The following ARID4B variants were observed in gnomAD, a reference collection of about 807,000 sequenced individuals.
The protein encoded by ARID4B is AT-rich interaction domain 4B.
A neutral mutation model predicts 147.5 loss-of-function variants in ARID4B; 26 were observed. The observed-to-expected ratio is 0.18, with a 90% CI of 0.13 to 0.24. The LOEUF is 0.24. ARID4B is among the 10% of genes least tolerant of loss of function. The pLI is 1.00. For missense variants in ARID4B, 1,179 were observed against 1,511.5 expected (o/e 0.78, Z 3.65); for synonymous variants, 512 against 507.9 (o/e 1.01, Z -0.11).
At chr1:235,198,406 G>A (rs1665647797) in intron 17 of ARID4B, among the ~76,000 whole-genome samples, 1 of 152,170 alleles carries the variant, frequency 6.6e-6, no homozygotes, top group African/African-American at 2.4e-5. Flanking sequence ...AGGAAAAACA[G>A]TTACTGCCTC....
chr1:235,246,561 C>A (rs555842217), intron 6 of ARID4B, 50 bp from the exon 7 acceptor site: 18 of 1,324,100 alleles, frequency 1.4e-5, no homozygotes, highest in Middle Eastern at 3.6e-4. Flanking sequence ...TTGCAAGTGC[C>A]TTCTTTGTTT....
Position 235,223,152 on chromosome 1 carries a change from A to T in ARID4B, c.1065+14T>A. Reference sequence around the variant, plus strand: ...TACATGAAAAAGATGTTTCAGTTTGACTACAACACTCACATTATCAAATCC... The same window carrying T: ...TACATGAAAAAGATGTTTCAGTTTGTCTACAACACTCACATTATCAAATCC... On this transcript the variant is annotated intron_variant, in intron 13 of 23. Transcript: ENST00000264183. The T allele has an allele frequency of 6.7e-7, 1 of 1,500,642 alleles. No individual in the cohort carries two copies. The highest frequency in any genetic ancestry group is 9.2e-7 in the Non-Finnish European group (1 of 1,091,586). The allele number at this position is 1,500,642 out of a possible 1,614,324, so 93.0% of individuals were successfully genotyped here.
rs1674712466 is a variant in ARID4B at position 235,320,046 on chromosome 1, G to C, written c.6+6868C>G. On this transcript the variant is annotated intron_variant, in intron 2 of 23. Coordinates refer to ENST00000264183, the MANE Select transcript of ARID4B (RefSeq NM_016374.6). Reference sequence around the variant, plus strand: ...GGAGGCTGAGGCAGGAGAATCGCTTGAACCTGGGAGGCAGAGGTTGCAGTG... The same window carrying C: ...GGAGGCTGAGGCAGGAGAATCGCTTCAACCTGGGAGGCAGAGGTTGCAGTG... Among the ~76,000 whole-genome samples, 3 of 151,854 alleles carry C rather than the reference G, an allele frequency of 2.0e-5. No homozygotes were observed. In the South Asian group the frequency reaches 6.2e-4, roughly 32 times the overall value.
intron 19 of ARID4B, among the ~76,000 whole-genome samples, chr1:235,192,711 C>T (rs1665198841): frequency 6.6e-6 from 1 of 152,026 alleles, no homozygotes; most frequent in Non-Finnish European, 1.5e-5. Context: ...TGTCCCCTTC[C>T]CTGCCAGTCA....
intron 23 of ARID4B, 62 bp downstream of exon 23, chr1:235,172,556 G>A (rs1343908068): frequency 8.9e-6 from 11 of 1,238,644 alleles, no homozygotes; most frequent in African/African-American, 4.7e-5. Flanking sequence ...CCAGCCTGGC[G>A]ACAAGAGTGA....
intron 2 of ARID4B, among the ~76,000 whole-genome samples, chr1:235,298,527 A>C (rs1179175210): frequency 6.7e-6 from 1 of 148,440 alleles, no homozygotes; most frequent in South Asian, 2.1e-4. Flanking sequence ...ACGTATATTT[A>C]TATATATCCA....
intron 10 of ARID4B, among the ~76,000 whole-genome samples, chr1:235,230,612 A>C (rs1279327862): frequency 7.5e-6 from 1 of 133,296 alleles, no homozygotes; most frequent in African/African-American, 2.8e-5. Context: ...AAAAAAAAAA[A>C]AAAACCAGAA....
intron 2 of ARID4B, among the ~76,000 whole-genome samples, chr1:235,290,514 T>A (rs1446783812): frequency 6.6e-6 from 1 of 151,914 alleles, no homozygotes; most frequent in African/African-American, 2.4e-5. Context: ...TACAGATGTA[T>A]GAAATAATAT....
At chr1:235,286,455 A>C (rs897052130) in intron 2 of ARID4B, among the ~76,000 whole-genome samples, 1 of 152,230 alleles carries the variant, frequency 6.6e-6, no homozygotes, top group African/African-American at 2.4e-5. Context: ...TAAACAGTTA[A>C]GTTACCATAT....
chr1:235,312,905 G>A (rs1311400253), intron 2 of ARID4B, among the ~76,000 whole-genome samples: 4 of 152,222 alleles, frequency 2.6e-5, no homozygotes, highest in African/African-American at 4.8e-5. Context: ...CCTAGGAGGC[G>A]GAGGTTGCAC....
intron 10 of ARID4B, among the ~76,000 whole-genome samples, chr1:235,229,833 C>G (rs1286614918): frequency 6.6e-6 from 1 of 152,156 alleles, no homozygotes; most frequent in East Asian, 1.9e-4. Flanking sequence ...TTCAGTTGAA[C>G]TTCAATTAAA....
rs918583339 is a variant in ARID4B at position 235,240,420 on chromosome 1, C to T, written c.478G>A (p.Asp160Asn). 6.2e-7 allele frequency: 1 copy of T among 1,613,318 alleles called. No individual in the cohort carries two copies. Among genetic ancestry groups the T allele is most frequent in the Non-Finnish European group, 8.5e-7 (1 of 1,179,504 alleles). The change falls in exon 8 of 24, where the codon GAT (aspartate) becomes AAT (asparagine). Residue 160 changes from aspartate (D) to asparagine (N), a missense_variant. This residue lies in a region of ARID4B where 159 missense variants were observed against 190.5 expected (regional missense o/e 0.83). Transcript: ENST00000264183. The part of the protein sequence containing the change: ...PEEESSSSSS[D>N]EDEDDRKQID... ...TGTTTCCTATCATCCTCATCTTCAT[C>T]ACTGGAGGATGATGAAGACTCTTCC... is the stretch of plus-strand genomic sequence containing the variant.
chr1:235,172,319 G>A (rs1280193126), intron 23 of ARID4B, among the ~76,000 whole-genome samples: 1 of 152,194 alleles, frequency 6.6e-6, no homozygotes, highest in Non-Finnish European at 1.5e-5. Context: ...GCTCACGCCT[G>A]TAATCTTAGC....
chr1:235,292,479 G>A (rs781337290), intron 2 of ARID4B, among the ~76,000 whole-genome samples: 1 of 151,986 alleles, frequency 6.6e-6, no homozygotes, highest in Non-Finnish European at 1.5e-5. Context: ...AGCCAGTTGT[G>A]GTGGCTCATG....
chr1:235,185,107 G>A (rs1664584712), intron 19 of ARID4B, among the ~76,000 whole-genome samples: 1 of 152,102 alleles, frequency 6.6e-6, no homozygotes, highest in African/African-American at 2.4e-5. Flanking sequence ...ATGAGCCAAC[G>A]TCCCTGGCCT....
At chr1:235,229,951 A>G (rs767783060) in intron 10 of ARID4B, among the ~76,000 whole-genome samples, 43 of 152,344 alleles carry the variant, frequency 2.8e-4, no homozygotes, top group Non-Finnish European at 5.3e-4. Flanking sequence ...ATTTTAACCA[A>G]TCTACATAGC....
At chr1:235,255,554 A>G in intron 5 of ARID4B, 106 bp downstream of exon 5, 1 of 646,984 alleles carries the variant, frequency 1.5e-6, no homozygotes, top group Non-Finnish European at 2.5e-6. Flanking sequence ...AACAGTAATA[A>G]TATCTAGGGT....
At chr1:235,315,281 G>A (rs1420059879) in intron 2 of ARID4B, among the ~76,000 whole-genome samples, 1 of 152,138 alleles carries the variant, frequency 6.6e-6, no homozygotes, top group Non-Finnish European at 1.5e-5. Flanking sequence ...AAAAAATTTA[G>A]CGAGGCATGG....
intron 10 of ARID4B, 44 bp downstream of exon 10, chr1:235,231,069 G>T: frequency 7.7e-7 from 1 of 1,293,688 alleles, no homozygotes; most frequent in Non-Finnish European, 1.1e-6. Context: ...AAACACTTTA[G>T]CAGTTTTTAC....
Sources: allele counts gnomAD v4.1 joint callset (sites outside exome capture counted in the v4.1 genomes callset), GRCh38; gene constraint gnomAD v4.1.1; regional missense constraint gnomAD v4.1.1; transcripts MANE v1.5; gene names NCBI Gene and HGNC (gene_info 2026-07-23, HGNC 2026-07-21).